The following COMMD1 variants were observed in gnomAD, a reference collection of about 807,000 sequenced individuals.
COMMD1 encodes copper metabolism domain containing 1.
Under a neutral mutation model 17.2 loss-of-function variants are expected in COMMD1, and 10 were observed. The ratio of observed to expected loss-of-function variants is 0.58; its 90% CI spans 0.36 to 0.99. COMMD1 has a LOEUF of 0.99. Among genes scored for constraint, COMMD1 ranks in the 50% least tolerant of loss-of-function variants. The pLI is 0.01. For synonymous variants in COMMD1, 97 were observed against 91.6 expected (o/e 1.06, Z -0.34); for missense variants, 270 against 231.8 (o/e 1.17, Z -1.07).
At chr2:61,974,251 C>G (rs747490090) in intron 1 of COMMD1, among the ~76,000 whole-genome samples, 1 of 152,026 alleles carries the variant, frequency 6.6e-6, no homozygotes, top group Non-Finnish European at 1.5e-5. Flanking sequence ...CTGCTGCACT[C>G]CAGCCTGGGC....
At chr2:62,065,338 C>CTTT (rs57243558) in intron 2 of COMMD1, among the ~76,000 whole-genome samples, 2 of 44,376 alleles carry the variant, frequency 4.5e-5, no homozygotes, top group African/African-American at 7.5e-5. Flanking sequence ...TATGTACTTA[C>CTTT]TTTTTTTTTT....
intron 1 of COMMD1, among the ~76,000 whole-genome samples, chr2:61,922,314 TTTTGTTTG>T (rs921285948): frequency 6.6e-6 from 1 of 152,156 alleles, no homozygotes; most frequent in Non-Finnish European, 1.5e-5. Context: ...GTGGCAGTTT[TTTTGTTTG>T]TTTGTTTGTT....
chr2:61,919,881 C>A (rs1042301317), intron 1 of COMMD1, among the ~76,000 whole-genome samples: 2 of 152,198 alleles, frequency 1.3e-5, no homozygotes, highest in Admixed American at 6.5e-5. Context: ...AATCCCAGCA[C>A]TTTGGGAGGC....
chr2:62,065,586 A>T (rs1671014999), intron 2 of COMMD1, among the ~76,000 whole-genome samples: 1 of 151,778 alleles, frequency 6.6e-6, no homozygotes. Context: ...TCCCAAACTG[A>T]TGGGATTACA....
At chr2:61,987,488 T>G (rs1389191995) in intron 1 of COMMD1, among the ~76,000 whole-genome samples, 1 of 152,186 alleles carries the variant, frequency 6.6e-6, no homozygotes, top group East Asian at 1.9e-4. Flanking sequence ...GAATTCTTTC[T>G]ATTGCCAGGC....
chr2:61,981,587 G>C (rs1671953522), intron 1 of COMMD1, among the ~76,000 whole-genome samples: 1 of 152,130 alleles, frequency 6.6e-6, no homozygotes, highest in Non-Finnish European at 1.5e-5. Context: ...ACCCGAGACT[G>C]GAAAGAGAAA....
At chr2:61,955,748 C>A (rs867315379) in intron 1 of COMMD1, among the ~76,000 whole-genome samples, 4 of 152,074 alleles carry the variant, frequency 2.6e-5, no homozygotes, top group African/African-American at 9.7e-5. Context: ...TGTGACGGCA[C>A]GACCTCGGCT....
At chr2:61,934,094 A>G (rs1558526658) in intron 1 of COMMD1, among the ~76,000 whole-genome samples, 1 of 152,176 alleles carries the variant, frequency 6.6e-6, no homozygotes, top group East Asian at 1.9e-4. Flanking sequence ...CAAAATACCT[A>G]AATCCAGTTT....
chr2:61,915,039 T>C (rs1226802685), intron 1 of COMMD1, among the ~76,000 whole-genome samples: 5 of 150,836 alleles, frequency 3.3e-5, no homozygotes, highest in African/African-American at 1.2e-4. Flanking sequence ...ACTTTTGCTC[T>C]TGTTGCCTAT....
chr2:62,060,652 GT>G (rs1670831352), intron 2 of COMMD1, among the ~76,000 whole-genome samples: 1 of 152,080 alleles, frequency 6.6e-6, no homozygotes, highest in Non-Finnish European at 1.5e-5. Context: ...AGCATTTCTT[GT>G]TGTGCAGGTA....
intron 2 of COMMD1, among the ~76,000 whole-genome samples, chr2:62,107,394 C>G (rs1672347290): frequency 6.6e-6 from 1 of 151,772 alleles, no homozygotes; most frequent in Non-Finnish European, 1.5e-5. Context: ...AAAAATGACT[C>G]TGAGGTTGAA....
intron 2 of COMMD1, among the ~76,000 whole-genome samples, chr2:62,125,008 G>A (rs1231787018): frequency 6.6e-6 from 1 of 152,176 alleles, no homozygotes; most frequent in Non-Finnish European, 1.5e-5. Flanking sequence ...GAATTTATGG[G>A]AATGCAGGCT....
chr2:62,055,695 AG>A (rs1670677076), intron 2 of COMMD1, among the ~76,000 whole-genome samples: 1 of 152,280 alleles, frequency 6.6e-6, no homozygotes, highest in African/African-American at 2.4e-5. Context: ...ACATTGCTAA[AG>A]CTAAGAAGCC....
chr2:62,011,910 A>C (rs1186858679), intron 2 of COMMD1, among the ~76,000 whole-genome samples: 1 of 152,144 alleles, frequency 6.6e-6, no homozygotes, highest in African/African-American at 2.4e-5. Flanking sequence ...TGATACAGGC[A>C]AGATGGATTC....
intron 2 of COMMD1, among the ~76,000 whole-genome samples, chr2:62,041,723 G>C (rs1224116450): frequency 6.6e-6 from 1 of 152,110 alleles, no homozygotes; most frequent in Admixed American, 6.5e-5. Flanking sequence ...GGACCCTCAC[G>C]GGTGAGTGTT....
At chr2:62,116,716 T>C (rs989402965) in intron 2 of COMMD1, among the ~76,000 whole-genome samples, 4 of 128,916 alleles carry the variant, frequency 3.1e-5, no homozygotes, top group African/African-American at 1.2e-4. Context: ...CCGGGCGTGG[T>C]GGCTCATGCC....
At chr2:62,098,850 C>G (rs930899447) in intron 2 of COMMD1, among the ~76,000 whole-genome samples, 1 of 152,140 alleles carries the variant, frequency 6.6e-6, no homozygotes, top group African/African-American at 2.4e-5. Flanking sequence ...TTCTGGGGAC[C>G]AGTAACTCAA....
intron 2 of COMMD1, among the ~76,000 whole-genome samples, chr2:62,043,260 C>G (rs569869313): frequency 5.3e-5 from 8 of 152,300 alleles, no homozygotes; most frequent in Non-Finnish European, 1.2e-4. Context: ...TAACTAATGG[C>G]TAGGGAGTCT....
Position 61,953,422 on chromosome 2 carries a change from G to C in COMMD1, c.181-47279G>C, listed in dbSNP as rs181560712. Among the ~76,000 whole-genome samples the C allele has an allele frequency of 7.6e-3, 1,121 of 147,142 alleles. 16 individuals are homozygous for C. Among genetic ancestry groups the C allele is most frequent in the African/African-American group, 0.026 (1,015 of 39,398 alleles). On this transcript the variant is annotated intron_variant, in intron 1 of 2. Transcript: ENST00000311832. ...CTCATTCTGTTGCCCAGGCTGGAGT[G>C]CAGTGGCGCAATCTCAGCTCACTGC... is the stretch of plus-strand genomic sequence containing the variant.
Sources: allele counts gnomAD v4.1 joint callset (sites outside exome capture counted in the v4.1 genomes callset), GRCh38; gene constraint gnomAD v4.1.1; transcripts MANE v1.5; gene names NCBI Gene and HGNC (gene_info 2026-07-23, HGNC 2026-07-21).